MECOM: variants seen among roughly 807,000 people sequenced by gnomAD.
MECOM encodes histone-lysine N-methyltransferase MECOM.
Under a neutral mutation model 116.3 loss-of-function variants are expected in MECOM, and 13 were observed. The observed-to-expected ratio is 0.11, with a 90% CI of 0.07 to 0.18. The LOEUF is 0.18. MECOM is among the 10% of genes least tolerant of loss of function. The pLI is 1.00. For synonymous variants in MECOM, 528 were observed against 535.2 expected (o/e 0.99, Z 0.19); for missense variants, 1,299 against 1,509.0 (o/e 0.86, Z 2.31).
intron 1 of MECOM, among the ~76,000 whole-genome samples, chr3:169,647,175 G>T (rs558969278): frequency 2.0e-5 from 3 of 152,102 alleles, no homozygotes; most frequent in Non-Finnish European, 4.4e-5. Flanking sequence ...TAAGTTCTTC[G>T]ACTTTATTGT....
intron 1 of MECOM, among the ~76,000 whole-genome samples, chr3:169,482,874 A>G (rs1185737848): frequency 6.6e-6 from 1 of 152,256 alleles, no homozygotes; most frequent in South Asian, 2.1e-4. Context: ...GCCACGAAGC[A>G]GGGACTTGCC....
Position 169,131,571 on chromosome 3 carries a change from G to A in MECOM, c.511-40C>T, listed in dbSNP as rs746581764. On this transcript the variant is annotated intron_variant, in intron 3 of 16. Transcript: ENST00000651503. The stretch of plus-strand genomic sequence containing the variant: ...TAAAGGTGGATGGAATCAGGAAAGA[G>A]AGAGATGTATATATATTAACAAAGG... 7.3e-6 allele frequency: 11 copies of A among 1,502,280 alleles called. No individual in the cohort carries two copies. In the South Asian group the frequency reaches 1.2e-4, roughly 16 times the overall value. 93.1% of individuals were successfully genotyped at this position (1,502,280 alleles called of 1,614,324 possible).
chr3:169,227,242 C>T (rs1179045627), intron 2 of MECOM, among the ~76,000 whole-genome samples: 1 of 152,022 alleles, frequency 6.6e-6, no homozygotes, highest in Non-Finnish European at 1.5e-5. Flanking sequence ...AAACATCTTA[C>T]CATCTGAGAA....
chr3:169,306,456 C>T (rs776048849), intron 2 of MECOM, among the ~76,000 whole-genome samples: 7 of 152,132 alleles, frequency 4.6e-5, no homozygotes, highest in African/African-American at 1.2e-4. Context: ...CCAAGGTTTA[C>T]GGATCACCTG....
intron 12 of MECOM, among the ~76,000 whole-genome samples, chr3:169,100,070 ATTCTTTTT>A (rs1723006705): frequency 7.4e-6 from 1 of 134,814 alleles, no homozygotes; most frequent in African/African-American, 2.8e-5. Context: ...TTTAAGATCT[ATTCTTTTT>A]TTCTTTCTTT....
At chr3:169,498,281 G>A (rs577242266) in intron 1 of MECOM, among the ~76,000 whole-genome samples, 8 of 152,172 alleles carry the variant, frequency 5.3e-5, no homozygotes, top group East Asian at 1.9e-4. Flanking sequence ...TAAATCCCAC[G>A]AAAATAACAG....
intron 1 of MECOM, among the ~76,000 whole-genome samples, chr3:169,555,838 C>T (rs1356033016): frequency 5.3e-5 from 8 of 152,194 alleles, no homozygotes; most frequent in South Asian, 4.1e-4. Flanking sequence ...TCTCCCAACA[C>T]GCAGCCTGTG....
At chr3:169,593,110 GA>G (rs1042425364) in intron 1 of MECOM, among the ~76,000 whole-genome samples, 26 of 152,266 alleles carry the variant, frequency 1.7e-4, no homozygotes, top group African/African-American at 6.0e-4. Context: ...AGGCTAGTCT[GA>G]AAATCCTGGG....
chr3:169,161,279 G>A (rs997164517), intron 2 of MECOM, among the ~76,000 whole-genome samples: 1 of 152,242 alleles, frequency 6.6e-6, no homozygotes, highest in East Asian at 1.9e-4. Flanking sequence ...CTACTGGGAA[G>A]ACCAACCCTA....
chr3:169,601,690 C>G (rs1308648597), intron 1 of MECOM, among the ~76,000 whole-genome samples: 2 of 152,180 alleles, frequency 1.3e-5, no homozygotes, highest in Non-Finnish European at 2.9e-5. Flanking sequence ...TGCAGGCTCA[C>G]GTCACACTTA....
chr3:169,377,982 C>T (rs867694953), intron 2 of MECOM, among the ~76,000 whole-genome samples: 6 of 152,080 alleles, frequency 3.9e-5, no homozygotes, highest in Non-Finnish European at 8.8e-5. Flanking sequence ...CCATGGAACA[C>T]TATGCAGCCA....
In MECOM at chr3:169,406,641, AC is replaced by A. The variant is rs1299291902; in HGVS notation, c.38-25118del. Among the ~76,000 whole-genome samples, 5 of 152,174 alleles carry A rather than the reference AC, an allele frequency of 3.3e-5. No homozygotes were observed. The East Asian group carries it at 9.6e-4, about 29-fold the overall frequency. On this transcript the variant is annotated intron_variant, in intron 1 of 16. Transcript: ENST00000651503. ...CTATGTGCCAGACTGACACTCTCTT[AC>A]GCATTTTACATCATTATCTTATTTA...
intron 2 of MECOM, among the ~76,000 whole-genome samples, chr3:169,169,107 T>C (rs912485160): frequency 3.9e-5 from 6 of 152,156 alleles, no homozygotes; most frequent in Non-Finnish European, 7.4e-5. Flanking sequence ...ACTAGTTCAC[T>C]CCATAAACAC....
intron 2 of MECOM, among the ~76,000 whole-genome samples, chr3:169,253,093 C>T (rs937365400): frequency 5.9e-5 from 9 of 152,090 alleles, no homozygotes; most frequent in African/African-American, 2.2e-4. Context: ...TTCTTAGCTT[C>T]CTCTGGAAAA....
intron 2 of MECOM, among the ~76,000 whole-genome samples, chr3:169,175,715 T>TC (rs1339510375): frequency 6.6e-6 from 1 of 152,160 alleles, no homozygotes; most frequent in Non-Finnish European, 1.5e-5. Context: ...TCCAGACCCG[T>TC]CGCACAATGT....
chr3:169,137,528 C>T (rs947253253), intron 3 of MECOM, among the ~76,000 whole-genome samples: 2 of 152,050 alleles, frequency 1.3e-5, no homozygotes, highest in African/African-American at 4.8e-5. Flanking sequence ...TAAGCATTGC[C>T]AAAGCAAATC....
chr3:169,286,304 C>A (rs1713306937), intron 2 of MECOM, among the ~76,000 whole-genome samples: 1 of 152,198 alleles, frequency 6.6e-6, no homozygotes, highest in Non-Finnish European at 1.5e-5. Flanking sequence ...TCCTTCTAGG[C>A]AGCTTCCCCC....
intron 2 of MECOM, among the ~76,000 whole-genome samples, chr3:169,348,961 G>T (rs1725826948): frequency 1.3e-5 from 2 of 151,738 alleles, no homozygotes; most frequent in South Asian, 4.2e-4. Context: ...GCTATGATTG[G>T]TTGTTAACCA....
intron 2 of MECOM, among the ~76,000 whole-genome samples, chr3:169,150,509 A>G (rs898998919): frequency 2.0e-5 from 3 of 152,240 alleles, no homozygotes; most frequent in Non-Finnish European, 4.4e-5. Context: ...GAAATGGGCT[A>G]TTAAAAATAA....
Sources: allele counts gnomAD v4.1 joint callset (sites outside exome capture counted in the v4.1 genomes callset), GRCh38; gene constraint gnomAD v4.1.1; transcripts MANE v1.5; gene names NCBI Gene and HGNC (gene_info 2026-07-23, HGNC 2026-07-21).